The following RGS22 variants were observed in gnomAD, a reference collection of about 807,000 sequenced individuals.
RGS22 encodes regulator of G protein signaling 22, also known as regulator of G-protein signaling 22.
RGS22 carries 148 observed loss-of-function variants against 172.9 expected under a neutral mutation model. That is an observed-to-expected ratio of 0.86 (90% confidence interval 0.75 to 0.98). RGS22 has a LOEUF of 0.98. Among genes scored for constraint, RGS22 ranks in the 50% least tolerant of loss-of-function variants. The pLI, the probability that RGS22 is intolerant of heterozygous loss-of-function variation, is 0.00. For synonymous variants in RGS22, 458 were observed against 480.2 expected (o/e 0.95, Z 0.60); for missense variants, 1,347 against 1,440.8 (o/e 0.93, Z 1.05).
At chr8:100,009,221 G>A (rs957315347) in intron 14 of RGS22, among the ~76,000 whole-genome samples, 2 of 151,876 alleles carry the variant, frequency 1.3e-5, no homozygotes, top group African/African-American at 2.4e-5. Context: ...AGTTCAAGAT[G>A]AGCCTGGCCA....
At chr8:100,096,295 T>C (rs969363144) in intron 2 of RGS22, among the ~76,000 whole-genome samples, 10 of 152,278 alleles carry the variant, frequency 6.6e-5, no homozygotes, top group South Asian at 2.1e-4. Flanking sequence ...AAGAAGAAAA[T>C]TGAGTTACAA....
chr8:99,991,798 C>A (rs993342396), intron 20 of RGS22, among the ~76,000 whole-genome samples: 1 of 152,070 alleles, frequency 6.6e-6, no homozygotes, highest in East Asian at 1.9e-4. Context: ...AGAAGAGCAA[C>A]CCCAAGATAT....
At chr8:100,006,192 C>A in intron 15 of RGS22, 83 bp from the exon 16 acceptor site, 5 of 1,037,482 alleles carry the variant, frequency 4.8e-6, no homozygotes, top group Middle Eastern at 2.3e-4. Context: ...AATACAGTTG[C>A]CAATAAAGGA....
intron 3 of RGS22, among the ~76,000 whole-genome samples, chr8:100,084,660 AG>A (rs1812034573): frequency 6.6e-6 from 1 of 152,216 alleles, no homozygotes; most frequent in South Asian, 2.1e-4. Flanking sequence ...AGATCCTGGA[AG>A]GTCCTTAAAA....
intron 6 of RGS22, 41 bp downstream of exon 6, chr8:100,071,328 T>C (rs373323615): frequency 2.0e-6 from 3 of 1,492,138 alleles, no homozygotes; most frequent in African/African-American, 2.8e-5. Context: ...TCAGAAGTGT[T>C]AGTGAAGCGC....
At chr8:100,101,692 T>C in intron 2 of RGS22, among the ~76,000 whole-genome samples, 1 of 151,968 alleles carries the variant, frequency 6.6e-6, no homozygotes, top group East Asian at 1.9e-4. Context: ...ATACAAGGTA[T>C]GTGTCCCTAA....
intron 14 of RGS22, among the ~76,000 whole-genome samples, chr8:100,033,868 T>C (rs560525440): frequency 5.9e-5 from 9 of 152,148 alleles, no homozygotes; most frequent in Admixed American, 2.6e-4. Context: ...AAAAACCAGA[T>C]GATTATCTCA....
chr8:100,073,256 C>A (rs1234395568), intron 4 of RGS22, among the ~76,000 whole-genome samples: 4 of 152,028 alleles, frequency 2.6e-5, no homozygotes, highest in Non-Finnish European at 5.9e-5. Context: ...AACACATAGA[C>A]CATTACAAAC....
chr8:100,015,247 C>T (rs1345197839), intron 14 of RGS22, among the ~76,000 whole-genome samples: 1 of 152,178 alleles, frequency 6.6e-6, no homozygotes, highest in Admixed American at 6.5e-5. Context: ...TTCCTAACTT[C>T]TAAAGCCTCT....
intron 14 of RGS22, among the ~76,000 whole-genome samples, chr8:100,009,378 T>C (rs1412174577): frequency 7.1e-6 from 1 of 140,104 alleles, no homozygotes; most frequent in Non-Finnish European, 1.5e-5. Context: ...AAGATCAAGA[T>C]CATGCCACTG....
intron 3 of RGS22, 89 bp downstream of exon 3, chr8:100,093,358 C>T (rs1271331012): frequency 4.3e-6 from 3 of 700,592 alleles, no homozygotes; most frequent in East Asian, 2.8e-5. Context: ...AAGCATTATC[C>T]CTGATAAATT....
chr8:99,991,460 C>A (rs545778917), intron 20 of RGS22, among the ~76,000 whole-genome samples: 1 of 152,214 alleles, frequency 6.6e-6, no homozygotes, highest in East Asian at 1.9e-4. Flanking sequence ...ACGAGAACTT[C>A]GCGACGCATG....
Position 100,073,789 on chromosome 8 carries a change from A to C in RGS22, c.340-1559T>G, listed in dbSNP as rs1811155278. Among the ~76,000 whole-genome samples, 4 of 152,252 alleles carry C rather than the reference A, an allele frequency of 2.6e-5. No individual in the cohort carries two copies. The South Asian group carries it at 8.3e-4, about 32-fold the overall frequency. On this transcript the variant is annotated intron_variant, in intron 4 of 27. Coordinates refer to ENST00000360863, the MANE Select transcript of RGS22 (RefSeq NM_015668.5). ...CCAATTTGCTGAATATTCAGCTAGT[A>C]AACAGTTTACCTATAATTCATCCTC...
At chr8:99,978,830 G>A (rs1229977428) in intron 22 of RGS22, among the ~76,000 whole-genome samples, 1 of 152,106 alleles carries the variant, frequency 6.6e-6, no homozygotes, top group Non-Finnish European at 1.5e-5. Flanking sequence ...TGCTAGGAAT[G>A]GCCTTTACCT....
At chr8:100,047,937 T>C (rs937618731) in intron 10 of RGS22, among the ~76,000 whole-genome samples, 7 of 145,090 alleles carry the variant, frequency 4.8e-5, no homozygotes, top group African/African-American at 1.8e-4. Context: ...GATGTATGTA[T>C]GTGTGGCGAG....
rs754478402 is a variant in RGS22, at chr8:100,105,389, A to T, written c.39T>A (p.Ile13=). ...EKRLTAEPPT[I]TEEEFEDSLA... is the part of the protein sequence containing the mutation. The stretch of plus-strand genomic sequence containing the variant: ...TGATACTTACAAATTCTTCTTCTGT[A>T]ATAGTTGGTGGCTCTGAAACAAGAC... The change falls in exon 2 of 28, where the codon ATT becomes ATA. Residue 13 remains isoleucine (I), a synonymous_variant. Transcript: ENST00000360863. 5.0e-6 allele frequency: 8 copies of T among 1,609,712 alleles called. No homozygotes were observed. The Admixed American group carries it at 1.3e-4, about 27-fold the overall frequency.
Position 99,962,901 on chromosome 8 carries a change from T to C in RGS22, c.3693A>G (p.Glu1231=), listed in dbSNP as rs772797521. The C allele has an allele frequency of 6.2e-6, 10 of 1,600,378 alleles. No homozygotes were observed. The highest frequency in any genetic ancestry group is 6.8e-6 in the Non-Finnish European group (8 of 1,176,942). Residue 1231 remains glutamate, a synonymous_variant, in exon 25 of 28, where the codon GAA becomes GAG. Transcript: ENST00000360863. ...RILLKIQEEL[E]KKLFAGLQPL... ...AAAAATTACCTGCAAACAACTTTTT[T>C]TCTAGTTCTTCTTGGATCTTAAGAA...
intron 20 of RGS22, among the ~76,000 whole-genome samples, chr8:99,993,252 G>T (rs975487060): frequency 6.6e-6 from 1 of 152,048 alleles, no homozygotes; most frequent in African/African-American, 2.4e-5. Context: ...CAGAAGGCAA[G>T]AAACAACTAA....
At chr8:100,092,583 TC>T in intron 3 of RGS22, among the ~76,000 whole-genome samples, 1 of 152,290 alleles carries the variant, frequency 6.6e-6, no homozygotes, top group South Asian at 2.1e-4. Context: ...TCTTTCTCCC[TC>T]ATTCTCTTAA....
Sources: gnomAD v4.1 joint callset for allele counts (sites outside exome capture counted in the v4.1 genomes callset) on GRCh38, gnomAD v4.1.1 for gene constraint, MANE v1.5 for transcripts, NCBI Gene and HGNC (gene_info 2026-07-23, HGNC 2026-07-21) for gene names.